Variants in BCL7C observed in about 807,000 individuals in gnomAD.
BCL7C encodes the protein BAF chromatin remodeling complex subunit BCL7C.
In BCL7C, 8 loss-of-function variants were observed where a neutral mutation model predicts 26.2. The ratio of observed to expected loss-of-function variants is 0.30; its 90% CI spans 0.18 to 0.55. The LOEUF (loss-of-function observed/expected upper bound fraction) is 0.55, where lower values mean the gene tolerates loss of function less well. Among genes scored for constraint, BCL7C ranks in the 20% least tolerant of loss-of-function variants. The pLI, the probability that BCL7C is intolerant of heterozygous loss-of-function variation, is 0.93. For missense variants in BCL7C, 262 were observed against 298.5 expected (o/e 0.88, Z 0.90); for synonymous variants, 90 against 116.5 (o/e 0.77, Z 1.47).
chr16:30,888,790 C>T (rs376387404), intron 5 of BCL7C, 70 bp downstream of exon 5: 10 of 1,469,768 alleles, frequency 6.8e-6, no homozygotes, highest in East Asian at 4.6e-5. Flanking sequence ...ACGCAGGCTC[C>T]AAGCCTTCGA....
intron 5 of BCL7C, among the ~76,000 whole-genome samples, chr16:30,876,433 AAGGATT>A (rs2054951090): frequency 6.6e-6 from 1 of 152,302 alleles, no homozygotes; most frequent in African/African-American, 2.4e-5. Flanking sequence ...GTAACCAGAA[AAGGATT>A]AGGATTTTGC....
intron 5 of BCL7C, among the ~76,000 whole-genome samples, chr16:30,837,870 G>T (rs1596807417): frequency 6.6e-6 from 1 of 152,160 alleles, no homozygotes; most frequent in East Asian, 1.9e-4. Flanking sequence ...CCAACAAGGT[G>T]CCAGCCACTG....
intron 5 of BCL7C, among the ~76,000 whole-genome samples, chr16:30,874,121 G>A (rs1328763467): frequency 6.7e-6 from 1 of 150,304 alleles, no homozygotes; most frequent in Non-Finnish European, 1.5e-5. Flanking sequence ...TCAGCCTCCC[G>A]AGTAGCTGGG....
chr16:30,857,387 C>CAAAAA (rs71149059), intron 5 of BCL7C, among the ~76,000 whole-genome samples: 2 of 90,350 alleles, frequency 2.2e-5, no homozygotes, highest in Non-Finnish European at 4.5e-5. Context: ...GACTCCATCT[C>CAAAAA]AAAAAAAAAA....
At chr16:30,835,852 A>T (rs2054566092) in intron 5 of BCL7C, among the ~76,000 whole-genome samples, 1 of 151,812 alleles carries the variant, frequency 6.6e-6, no homozygotes, top group Non-Finnish European at 1.5e-5. Context: ...TCTGAAGAAA[A>T]AAAAGAAAAA....
chr16:30,892,045 CTGCT>C (rs1390319452), intron 4 of BCL7C, among the ~76,000 whole-genome samples: 1 of 151,764 alleles, frequency 6.6e-6, no homozygotes, highest in Non-Finnish European at 1.5e-5. Context: ...AGGTGGAGGA[CTGCT>C]TGAGCAAGTG....
At chr16:30,892,125 G>A (rs1370760985) in intron 4 of BCL7C, among the ~76,000 whole-genome samples, 3 of 151,488 alleles carry the variant, frequency 2.0e-5, no homozygotes, top group Non-Finnish European at 4.4e-5. Flanking sequence ...AAATTAGCCA[G>A]GTGTGGTGGC....
chr16:30,862,969 G>A (rs1047099381), intron 5 of BCL7C, among the ~76,000 whole-genome samples: 1 of 152,138 alleles, frequency 6.6e-6, no homozygotes, highest in African/African-American at 2.4e-5. Context: ...CTGAAGTGCA[G>A]GGCTATGCAG....
In BCL7C at chr16:30,892,752, G is replaced by C. The variant is rs375608610; in HGVS notation, c.281-5C>G. On this transcript the variant is annotated splice_polypyrimidine_tract_variant and splice_region_variant and intron_variant, in intron 3 of 5. Transcript: ENST00000215115. ...AACTCTGGTTGCTGTTCTCATCTGC[G>C]GGAGCAAGAGCCGAGATGGTTGGCC... The C allele has an allele frequency of 1.2e-6, 2 of 1,614,006 alleles. No individual in the cohort carries two copies. The highest frequency in any genetic ancestry group is 1.7e-6 in the Non-Finnish European group (2 of 1,180,010).
In BCL7C at chr16:30,834,966, G is replaced by C; in HGVS notation, c.711C>G (p.Pro237=). 1 of 1,543,148 alleles carries C rather than the reference G, an allele frequency of 6.5e-7. No individual in the cohort carries two copies. The highest frequency in any genetic ancestry group is 8.7e-7 in the Non-Finnish European group (1 of 1,143,716). The stretch of plus-strand genomic sequence containing the variant: ...AGCCCACTCACCTCCCCTTACCCTG[G>C]GGGATTGTTCTGGGTGCCCTCGGGG... The change falls in exon 6 of 6, where the codon CCC becomes CCG. Residue 237 remains proline (P), a synonymous_variant. Transcript: ENST00000380317. The surrounding 1 kb of genome is among the most constrained non-coding windows in gnomAD (Gnocchi z 4.3).
At chr16:30,875,249 C>G (rs1428222333) in intron 5 of BCL7C, 1 of 154,638 alleles carries the variant, frequency 6.5e-6, no homozygotes, top group Non-Finnish European at 1.5e-5. Flanking sequence ...CCAGGCGAGG[C>G]CACGCGACAT....
chr16:30,877,828 C>T (rs946791838), intron 5 of BCL7C, among the ~76,000 whole-genome samples: 3 of 152,174 alleles, frequency 2.0e-5, no homozygotes, highest in Non-Finnish European at 4.4e-5. Flanking sequence ...TTCACAGGCT[C>T]ACAGCTCCAA....
chr16:30,879,700 A>AAAAAAAAAAAAAAAAAAAAC (rs758573108), intron 5 of BCL7C, among the ~76,000 whole-genome samples: 6 of 135,004 alleles, frequency 4.4e-5, no homozygotes, highest in African/African-American at 7.7e-5. Flanking sequence ...AAAAAAAAAA[A>AAAAAAAAAAAAAAAAAAAAC]AAAAAAAAAC....
At chr16:30,892,347 A>C (rs1387033479) in intron 4 of BCL7C, among the ~76,000 whole-genome samples, 1 of 150,080 alleles carries the variant, frequency 6.7e-6, no homozygotes, top group Non-Finnish European at 1.5e-5. Context: ...GAGAGTGAGG[A>C]GAAAGATAAA....
chr16:30,851,668 C>T, intron 5 of BCL7C: 1 of 702,934 alleles, frequency 1.4e-6, no homozygotes, highest in Non-Finnish European at 2.4e-6. Context: ...GCTGAGCATA[C>T]TTCTCAGATG....
intron 5 of BCL7C, among the ~76,000 whole-genome samples, chr16:30,871,981 T>C (rs1567316460): frequency 1.3e-5 from 2 of 152,204 alleles, no homozygotes; most frequent in African/African-American, 4.8e-5. Context: ...AACAAGAGCA[T>C]GGCAGGACCT....
At chr16:30,880,017 G>A (rs954629306) in intron 5 of BCL7C, among the ~76,000 whole-genome samples, 13 of 151,582 alleles carry the variant, frequency 8.6e-5, no homozygotes, top group Non-Finnish European at 4.4e-5. Flanking sequence ...AAGTAGTTGG[G>A]CGCAGTAGCA....
intron 5 of BCL7C, among the ~76,000 whole-genome samples, chr16:30,854,342 G>A (rs1265886983): frequency 6.6e-6 from 1 of 152,190 alleles, no homozygotes; most frequent in Non-Finnish European, 1.5e-5. Context: ...TCTTGGAAGA[G>A]GAGCTAGGTC....
chr16:30,851,100 G>T, intron 5 of BCL7C: 2 of 239,358 alleles, frequency 8.4e-6, no homozygotes, highest in South Asian at 1.1e-4. Flanking sequence ...GGGATTCAGC[G>T]AACTCTTGGA....
Sources: gnomAD v4.1 joint callset for allele counts (sites outside exome capture counted in the v4.1 genomes callset) on GRCh38, gnomAD v4.1.1 for gene constraint, Gnocchi (gnomAD v3.1) non-coding constraint, MANE v1.5 for transcripts, NCBI Gene and HGNC (gene_info 2026-07-23, HGNC 2026-07-21) for gene names.